Variants in HNRNPUL2 observed in about 807,000 individuals in gnomAD.
HNRNPUL2 encodes heterogeneous nuclear ribonucleoprotein U-like protein 2.
HNRNPUL2 carries 27 observed loss-of-function variants against 102.2 expected under a neutral mutation model. The ratio of observed to expected loss-of-function variants is 0.26; its 90% CI spans 0.19 to 0.36. The LOEUF is 0.36. Among genes scored for constraint, HNRNPUL2 ranks in the 10% least tolerant of loss-of-function variants. HNRNPUL2 has a pLI of 1.00. For synonymous variants in HNRNPUL2, 458 were observed against 387.2 expected, an observed-to-expected ratio of 1.18 and a Z score of -2.15; for missense variants, 936 against 981.1, an observed-to-expected ratio of 0.95 and a Z score of 0.61.
Position 62,726,868 on chromosome 11 carries a change from G to GCTCCTCGTCCTCGTCCTCAAGCAGCGC in HNRNPUL2, c.262_288dup (p.Ala88_Glu96dup). On this transcript the variant is annotated inframe_insertion, in exon 1 of 14. Transcript: ENST00000301785. ...TGACCCAAGGCTTGAGCAGGGGGTG[G>GCTCCTCGTCCTCGTCCTCAAGCAGCGC]CTCCTCGTCCTCGTCCTCAAGCAGC... is the stretch of plus-strand genomic sequence containing the variant. The GCTCCTCGTCCTCGTCCTCAAGCAGCGC allele has an allele frequency of 6.3e-7, 1 of 1,582,024 alleles. No individual in the cohort carries two copies. Among genetic ancestry groups the GCTCCTCGTCCTCGTCCTCAAGCAGCGC allele is most frequent in the Non-Finnish European group, 8.5e-7 (1 of 1,172,702 alleles).
intron 6 of HNRNPUL2, 58 bp from the exon 7 acceptor site, chr11:62,722,438 C>T: frequency 1.3e-6 from 2 of 1,571,414 alleles, no homozygotes. Context: ...GTTGATTAAA[C>T]TTTACAATTT....
intron 1 of HNRNPUL2, among the ~76,000 whole-genome samples, chr11:62,725,607 T>G (rs764822146): frequency 1.3e-5 from 2 of 152,242 alleles, no homozygotes; most frequent in Non-Finnish European, 2.9e-5. Flanking sequence ...AAGTTGCATG[T>G]GATTGTTGTA....
At chr11:62,718,426 C>A (rs1353057972) in intron 10 of HNRNPUL2, among the ~76,000 whole-genome samples, 1 of 152,096 alleles carries the variant, frequency 6.6e-6, no homozygotes, top group Non-Finnish European at 1.5e-5. Context: ...TGCGGCCAGG[C>A]GCAGTGGCAC....
chr11:62,717,292 C>T (rs1387491848), intron 10 of HNRNPUL2, 103 bp from the exon 11 acceptor site: 1 of 809,052 alleles, frequency 1.2e-6, no homozygotes, highest in Non-Finnish European at 1.9e-6. Context: ...TATGCCTCAT[C>T]TATTACTGCA....
Position 62,727,277 on chromosome 11 carries a change from CGCGA to C in HNRNPUL2, c.-125_-122del. On this transcript the variant is annotated 5_prime_UTR_variant, in exon 1 of 14. Transcript: ENST00000301785. The stretch of plus-strand genomic sequence containing the variant: ...GCCTCACGCGCCAGCACTGAGCCCG[CGCGA>C]GCGAGCGCACGCACGCAGGAGCGGA... 1 of 1,181,396 alleles carries C rather than the reference CGCGA, an allele frequency of 8.5e-7. No homozygotes were observed. Among genetic ancestry groups the C allele is most frequent in the African/African-American group, 1.6e-5 (1 of 62,350 alleles). 73.2% of individuals were successfully genotyped at this position (1,181,396 alleles called of 1,614,324 possible). A position where few individuals can be genotyped will look rare whatever the true frequency, so the allele number is the denominator to read the frequency against.
In HNRNPUL2 at chr11:62,721,751, T is replaced by C. The variant is rs7104235; in HGVS notation, c.1482+69A>G. ...CTTGTTCTCAGACACTTGAGACTAA[T>C]TCTCCATTAAAGATAGGTTATAAGA... On this transcript the variant is annotated intron_variant, in intron 8 of 13. Coordinates refer to ENST00000301785, the MANE Select transcript of HNRNPUL2 (RefSeq NM_001079559.3). 6.9e-3 allele frequency: 10,556 copies of C among 1,519,680 alleles called. 606 individuals carry two copies. The African/African-American group carries it at 0.13, about 18-fold the overall frequency. The allele number at this position is 1,519,680 out of a possible 1,614,324, so 94.1% of individuals were successfully genotyped here. A position where few individuals can be genotyped will look rare whatever the true frequency, so the allele number is the denominator to read the frequency against.
intron 10 of HNRNPUL2, among the ~76,000 whole-genome samples, chr11:62,718,381 G>A (rs906887658): frequency 1.2e-4 from 18 of 152,146 alleles, no homozygotes; most frequent in Non-Finnish European, 8.8e-5. Context: ...CACTCCAACT[G>A]CCATATTTTA....
chr11:62,723,551 AAATGAATG>A (rs758937781), intron 4 of HNRNPUL2, 28 bp downstream of exon 4: 3 of 1,552,754 alleles, frequency 1.9e-6, no homozygotes, highest in African/African-American at 2.8e-5. Flanking sequence ...ATCCAGTAAT[AAATGAATG>A]AATGAATGAA....
chr11:62,716,979 C>G lies in HNRNPUL2; in HGVS notation c.1981+10G>C, dbSNP rs1315322706. The G allele has an allele frequency of 3.7e-6, 6 of 1,612,234 alleles. No homozygotes were observed. The highest frequency in any genetic ancestry group is 1.3e-5 in the African/African-American group (1 of 74,916). ...CTGAAGTAGGGGGCTGGCAGGTCCC[C>G]AAGACTCACCATAGCCTTGGCCCCG... On this transcript the variant is annotated intron_variant, in intron 11 of 13. Coordinates refer to ENST00000301785, the MANE Select transcript of HNRNPUL2 (RefSeq NM_001079559.3).
chr11:62,726,143 A>C (rs2083744049), intron 1 of HNRNPUL2, among the ~76,000 whole-genome samples: 1 of 152,218 alleles, frequency 6.6e-6, no homozygotes, highest in Non-Finnish European at 1.5e-5. Context: ...TCTGTGGCTC[A>C]AGCTCTGGTA....
chr11:62,717,145 T>C lies in HNRNPUL2; in HGVS notation c.1825A>G (p.Thr609Ala), dbSNP rs1266739807. 1 of 1,614,040 alleles carries C rather than the reference T, an allele frequency of 6.2e-7. No homozygotes were observed. The highest frequency in any genetic ancestry group is 8.5e-7 in the Non-Finnish European group (1 of 1,180,038). Residue 609 changes from threonine (T) to alanine (A), a missense_variant, in exon 11 of 14, where the codon ACA becomes GCA. Coordinates refer to ENST00000301785, the MANE Select transcript of HNRNPUL2 (RefSeq NM_001079559.3). ...PEKCDYMDEV[T>A]YGELEKEEAQ... ...TCCTCCTTCTCCAGCTCCCCATATG[T>C]CACCTCATCCATATAGTCGCATTTT...
chr11:62,717,733 G>A (rs1212657489), intron 10 of HNRNPUL2, among the ~76,000 whole-genome samples: 12 of 152,210 alleles, frequency 7.9e-5, no homozygotes, highest in African/African-American at 2.7e-4. Flanking sequence ...GCAGGTGCCT[G>A]TTATCCCAGC....
chr11:62,720,920 T>A (rs1416723739), intron 9 of HNRNPUL2, among the ~76,000 whole-genome samples: 5 of 141,784 alleles, frequency 3.5e-5, no homozygotes, highest in Non-Finnish European at 7.7e-5. Context: ...AGACACGAGA[T>A]AAAGGGTCAA....
In HNRNPUL2 at chr11:62,714,951, A is replaced by C; in HGVS notation, c.*348T>G. 5.2e-6 allele frequency: 1 copy of C among 191,136 alleles called. No homozygotes were observed. Among genetic ancestry groups the C allele is most frequent in the Non-Finnish European group, 1.1e-5 (1 of 91,676 alleles). The allele number at this position is 191,136 out of a possible 1,614,324, so 11.8% of individuals were successfully genotyped here. On this transcript the variant is annotated 3_prime_UTR_variant, in exon 14 of 14. Transcript: ENST00000301785. ...TGCCTCAGAATGTCAGAAGGGTGCC[A>C]TTTTCAGTTCTTTTCCTGTCTGACT... is the stretch of plus-strand genomic sequence containing the variant.
intron 10 of HNRNPUL2, among the ~76,000 whole-genome samples, chr11:62,719,020 G>A (rs1272765963): frequency 6.6e-6 from 1 of 151,912 alleles, no homozygotes; most frequent in Non-Finnish European, 1.5e-5. Context: ...TAGAGACAGG[G>A]TTTCACCATC....
chr11:62,722,519 G>A (rs908257484), intron 6 of HNRNPUL2, 82 bp downstream of exon 6: 2 of 1,416,540 alleles, frequency 1.4e-6, no homozygotes, highest in Admixed American at 1.7e-5. Context: ...ATAAAAGCCA[G>A]CAGTTGATGG....
intron 11 of HNRNPUL2, among the ~76,000 whole-genome samples, chr11:62,716,175 A>G (rs182240817): frequency 2.8e-4 from 43 of 152,318 alleles, no homozygotes; most frequent in Admixed American, 2.5e-3. Flanking sequence ...AAGCTCCCCA[A>G]TTCCTGCAAA....
chr11:62,719,221 G>T (rs146869412), intron 10 of HNRNPUL2, among the ~76,000 whole-genome samples: 1 of 152,142 alleles, frequency 6.6e-6, no homozygotes, highest in South Asian at 2.1e-4. Flanking sequence ...AGACCAAGGC[G>T]GGCAAATCAC....
chr11:62,723,000 C>T, intron 4 of HNRNPUL2, 97 bp from the exon 5 acceptor site: 2 of 817,248 alleles, frequency 2.4e-6, no homozygotes, highest in South Asian at 1.5e-5. Context: ...CTGAAAACGA[C>T]ATTTACCTCA....
Sources: gnomAD v4.1 joint callset for allele counts (sites outside exome capture counted in the v4.1 genomes callset) on GRCh38, gnomAD v4.1.1 for gene constraint, MANE v1.5 for transcripts, NCBI Gene and HGNC (gene_info 2026-07-23, HGNC 2026-07-21) for gene names.